The following DKC1 variants were observed in gnomAD, a reference collection of about 807,000 sequenced individuals.
DKC1 encodes dyskerin pseudouridine synthase 1, also known as H/ACA ribonucleoprotein complex subunit DKC1.
DKC1 carries 4 observed loss-of-function variants against 46.7 expected under a neutral mutation model. That is an observed-to-expected ratio of 0.09 (90% CI 0.04 to 0.20). DKC1 has a LOEUF of 0.20. Among genes scored for constraint, DKC1 ranks in the 10% least tolerant of loss-of-function variants. The pLI is 1.00. For synonymous variants in DKC1, 141 were observed against 142.4 expected (o/e 0.99, Z 0.07); for missense variants, 171 against 404.2 (o/e 0.42, Z 4.95).
chrX:154,774,878 C>T lies in DKC1; in HGVS notation c.1259+173C>T, dbSNP rs1055025674. ...CAGGTGAGCATGGAGGTTGTAGAGC[C>T]CAGGGGAGGGGGAGTCACTTGGTTT... is the stretch of plus-strand genomic sequence containing the variant. On this transcript the variant is annotated intron_variant, in intron 12 of 14. Transcript: ENST00000369550. 25 of 573,061 alleles carry T rather than the reference C, an allele frequency of 4.4e-5. No individual in the cohort carries two copies. The Admixed American group carries it at 5.2e-4, about 12-fold the overall frequency. The allele number at this position is 573,061 out of a possible 1,213,427, so 47.2% of individuals were successfully genotyped here.
At chrX:154,766,055 A>G in intron 4 of DKC1, 57 bp downstream of exon 4, 1 of 1,054,173 alleles carries the variant, frequency 9.5e-7, no homozygotes, top group Non-Finnish European at 1.3e-6. Flanking sequence ...ATGCTTTCAC[A>G]TCAGCTATTC....
At chrX:154,771,918 C>T (rs905458979) in intron 10 of DKC1, among the ~76,000 whole-genome samples, 15 of 111,860 alleles carry the variant, frequency 1.3e-4, no homozygotes, top group Non-Finnish European at 2.6e-4. Context: ...TTTAGTTTTT[C>T]GAGGAACCTC....
In DKC1 at chrX:154,771,188, T is replaced by G. The variant is rs868992933; in HGVS notation, c.1036+309T>G. On this transcript the variant is annotated intron_variant, in intron 10 of 14. Coordinates refer to ENST00000369550, the MANE Select transcript of DKC1 (RefSeq NM_001363.5). ...TTCTTTTGGTTTTTTGGTGGTGGTGTTTTTTTTTTTTTTTTTTTTTTGAGA... is the reference window on the plus strand; with the variant it reads ...TTCTTTTGGTTTTTTGGTGGTGGTGGTTTTTTTTTTTTTTTTTTTTTGAGA... Among the ~76,000 whole-genome samples, 222 of 53,092 alleles carry G rather than the reference T, an allele frequency of 4.2e-3. 1 individual carries two copies. The highest frequency in any genetic ancestry group is 0.011 in the South Asian group (9 of 804). The allele number at this position is 53,092 out of a possible 115,157, so 46.1% of individuals were successfully genotyped here.
At chrX:154,767,956 T>C (rs1557264407) in intron 7 of DKC1, 1 of 243,150 alleles carries the variant, frequency 4.1e-6, no homozygotes, top group Non-Finnish European at 7.4e-6. Context: ...GTTCACACCA[T>C]TTTCCTGCCT....
intron 12 of DKC1, 161 bp downstream of exon 12, chrX:154,774,866 A>C: frequency 1.7e-6 from 1 of 581,597 alleles, no homozygotes; most frequent in Non-Finnish European, 3.1e-6. Context: ...GTGAGCATGG[A>C]GGTTGTAGAG....
intron 9 of DKC1, 91 bp from the exon 10 acceptor site, chrX:154,770,668 C>T (rs1030072229): frequency 1.8e-6 from 2 of 1,134,788 alleles, no homozygotes; most frequent in African/African-American, 3.6e-5. Context: ...TGGTGTCAGG[C>T]CCCACTCCCT....
chrX:154,771,082 T>A (rs1167163255), intron 10 of DKC1, among the ~76,000 whole-genome samples: 1 of 111,230 alleles, frequency 9.0e-6, no homozygotes, highest in African/African-American at 3.3e-5. Context: ...ATCACCTTAG[T>A]TATTTTAAAA....
intron 7 of DKC1, among the ~76,000 whole-genome samples, 158 bp downstream of exon 7, chrX:154,767,540 AG>A (rs781919958): frequency 1.2e-4 from 14 of 112,476 alleles, no homozygotes; most frequent in Non-Finnish European, 7.5e-5. Context: ...TTGTTGAAAA[AG>A]TGAACAGTGC....
At chrX:154,771,020 T>G in intron 10 of DKC1, 141 bp downstream of exon 10, 1 of 588,533 alleles carries the variant, frequency 1.7e-6, no homozygotes, top group Non-Finnish European at 2.8e-6. Context: ...GCATCCATCT[T>G]AAGCATTTAT....
intron 1 of DKC1, among the ~76,000 whole-genome samples, chrX:154,763,680 G>C (rs1361641842): frequency 8.9e-6 from 1 of 111,851 alleles, no homozygotes; most frequent in Non-Finnish European, 1.9e-5. Context: ...TTTCATCATT[G>C]TGTGAACATC....
intron 9 of DKC1, among the ~76,000 whole-genome samples, chrX:154,770,030 T>G (rs782799106): frequency 8.9e-6 from 1 of 111,824 alleles, no homozygotes; most frequent in African/African-American, 3.3e-5. Context: ...GACTTTTGTG[T>G]GATTGGTTCA....
In DKC1 at chrX:154,775,227, T is replaced by C. The variant is rs782085131; in HGVS notation, c.1292T>C (p.Val431Ala). The C allele has an allele frequency of 8.3e-7, 1 of 1,211,718 alleles. No homozygotes were observed. The highest frequency in any genetic ancestry group is 1.1e-6 in the Non-Finnish European group (1 of 895,462). The change falls in exon 13 of 15, where the codon GTG (valine) becomes GCG (alanine). Residue 431 changes from valine to alanine, a missense_variant. Around this residue, in one of 4 missense-constraint regions of DKC1, gnomAD observed 54 missense variants for 64.4 expected, o/e 0.84. Transcript: ENST00000369550. ...ESAKKEVVAE[V>A]VKAPQVVAEA... is the part of the protein sequence containing the mutation. Reference sequence around the variant, plus strand: ...GCCAAAAAAGAGGTGGTTGCTGAAGTGGTAAAAGCCCCGCAGGTAGTTGCC... The same window carrying C: ...GCCAAAAAAGAGGTGGTTGCTGAAGCGGTAAAAGCCCCGCAGGTAGTTGCC...
At chrX:154,770,993 ACAT>A in intron 10 of DKC1, 114 bp downstream of exon 10, 1 of 755,949 alleles carries the variant, frequency 1.3e-6, no homozygotes, top group East Asian at 3.3e-5. Flanking sequence ...CATAATAATC[ACAT>A]CATGGAGAAT....
chrX:154,765,230 C>CT (rs781796020), intron 2 of DKC1: 13 of 488,874 alleles, frequency 2.7e-5, no homozygotes, highest in South Asian at 2.6e-4. Flanking sequence ...CGCCATCCCC[C>CT]TTTCTCTTTA....
At chrX:154,772,726 T>C (rs1177542769) in intron 10 of DKC1, among the ~76,000 whole-genome samples, 7 of 112,091 alleles carry the variant, frequency 6.2e-5, no homozygotes, top group Non-Finnish European at 1.1e-4. Context: ...GTACCAGAAG[T>C]AAGCATGTCA....
rs1256193851 is a variant in DKC1 at position 154,762,890 on chromosome X, C to T, written c.-76C>T. 1 of 1,135,160 alleles carries T rather than the reference C, an allele frequency of 8.8e-7. No individual in the cohort carries two copies. Among genetic ancestry groups the T allele is most frequent in the East Asian group, 3.3e-5 (1 of 30,626 alleles). 93.5% of individuals were successfully genotyped at this position (1,135,160 alleles called of 1,213,427 possible). On this transcript the variant is annotated 5_prime_UTR_variant, in exon 1 of 15. It adds an upstream start codon to the 5' untranslated region. Coordinates refer to ENST00000369550, the MANE Select transcript of DKC1 (RefSeq NM_001363.5). Reference sequence around the variant, plus strand: ...GGTGGGTCCTAGCAGCGCGGCCTGACGGGACCAAGGCGGCGGGAGTCTGCG... The same window carrying T: ...GGTGGGTCCTAGCAGCGCGGCCTGATGGGACCAAGGCGGCGGGAGTCTGCG...
At chrX:154,776,088 T>C (rs1411150425) in intron 13 of DKC1, 99 bp from the exon 14 acceptor site, 4 of 1,048,138 alleles carry the variant, frequency 3.8e-6, no homozygotes, top group Non-Finnish European at 4.0e-6. Flanking sequence ...TAGATTCAGT[T>C]GGGATCTTTC....
intron 8 of DKC1, 122 bp from the exon 9 acceptor site, chrX:154,769,045 G>T: frequency 4.2e-6 from 2 of 480,668 alleles, no homozygotes; most frequent in East Asian, 4.4e-5. Context: ...CAGGACTGAA[G>T]AGGCTGAAGA....
At chrX:154,775,345 T>G (rs2071883250) in intron 13 of DKC1, 72 bp downstream of exon 13, 4 of 1,026,218 alleles carry the variant, frequency 3.9e-6, no homozygotes, top group Non-Finnish European at 5.5e-6. Context: ...GCATTCGTCT[T>G]ACTTTGTGAC....
Sources: gnomAD v4.1 joint callset for allele counts (sites outside exome capture counted in the v4.1 genomes callset) on GRCh38, gnomAD v4.1.1 for gene constraint, gnomAD v4.1.1 regional missense constraint, MANE v1.5 for transcripts, NCBI Gene and HGNC (gene_info 2026-07-23, HGNC 2026-07-21) for gene names.